The following FMNL2 variants were observed in gnomAD, a reference collection of about 807,000 sequenced individuals.
FMNL2 encodes formin like 2.
In FMNL2, 51 loss-of-function variants were observed where a neutral mutation model predicts 130.2. The observed-to-expected ratio is 0.39, with a 90% CI of 0.31 to 0.49. FMNL2 has a LOEUF of 0.49. Among genes scored for constraint, FMNL2 ranks in the 20% least tolerant of loss-of-function variants. The probability of loss-of-function intolerance (pLI) is 0.85; values close to 1 mark genes in which losing one functional copy is unlikely to be tolerated. For missense variants in FMNL2, 977 were observed against 1,316.2 expected (o/e 0.74, Z 3.99); for synonymous variants, 465 against 467.1 (o/e 1.00, Z 0.06).
At chr2:152,602,147 G>C (rs1698113456) in intron 9 of FMNL2, among the ~76,000 whole-genome samples, 1 of 152,156 alleles carries the variant, frequency 6.6e-6, no homozygotes, top group Non-Finnish European at 1.5e-5. Context: ...ATCAGTCTTA[G>C]AGCTTGAAGG....
intron 1 of FMNL2, among the ~76,000 whole-genome samples, chr2:152,423,566 A>T (rs1687026874): frequency 6.6e-6 from 1 of 152,158 alleles, no homozygotes; most frequent in South Asian, 2.1e-4. Flanking sequence ...TGGGTCTCAG[A>T]TGCCTTAGTA....
intron 1 of FMNL2, among the ~76,000 whole-genome samples, chr2:152,389,111 T>G (rs930692811): frequency 6.6e-6 from 1 of 152,266 alleles, no homozygotes; most frequent in East Asian, 1.9e-4. Context: ...GAGCATTTTT[T>G]TTTTCTATAA....
chr2:152,452,913 T>C (rs1688724265), intron 1 of FMNL2, among the ~76,000 whole-genome samples: 2 of 151,730 alleles, frequency 1.3e-5, no homozygotes, highest in Non-Finnish European at 2.9e-5. Flanking sequence ...AAAGGAAATA[T>C]GGCTGAATGG....
rs117596986 is a variant in FMNL2, at chr2:152,514,588, G to A, written c.118-7355G>A. Among the ~76,000 whole-genome samples, 615 of 152,166 alleles carry A rather than the reference G, an allele frequency of 4.0e-3. 2 individuals carry two copies. Among genetic ancestry groups the A allele is most frequent in the East Asian group, 0.013 (67 of 5,182 alleles). ...TTGTCAAGACCCTCAGTGGATATCT[G>A]GAACCTTAAATAGTACTGAAACTAA... On this transcript the variant is annotated intron_variant, in intron 1 of 25. Transcript: ENST00000288670.
Position 152,624,464 on chromosome 2 carries a change from T to TC in FMNL2, c.1838-967dup, listed in dbSNP as rs201922033. 7.9e-3 allele frequency among the ~76,000 whole-genome samples: 1,194 copies of TC among 151,426 alleles called. 8 individuals are homozygous for TC. The highest frequency in any genetic ancestry group is 0.013 in the Non-Finnish European group (851 of 67,774). On this transcript the variant is annotated intron_variant, in intron 15 of 25. Transcript: ENST00000288670. Reference sequence around the variant, plus strand: ...ACCACGCCCAGCAATTTCTTTTCCTTCCCCCCCGCCCCTTTTATTTATTTA... The same window carrying TC: ...ACCACGCCCAGCAATTTCTTTTCCTTCCCCCCCCGCCCCTTTTATTTATTTA...
At chr2:152,364,517 T>C (rs1683400829) in intron 1 of FMNL2, among the ~76,000 whole-genome samples, 1 of 152,128 alleles carries the variant, frequency 6.6e-6, no homozygotes, top group Admixed American at 6.6e-5. Flanking sequence ...GTAAAACATA[T>C]CTTGAGACAA....
At chr2:152,617,051 G>T (rs369747397) in intron 12 of FMNL2, 40 bp from the exon 13 acceptor site, 2 of 1,570,258 alleles carry the variant, frequency 1.3e-6, no homozygotes, top group Non-Finnish European at 1.8e-6. Context: ...TGATCAAGAT[G>T]ATCCTGTATT....
intron 1 of FMNL2, among the ~76,000 whole-genome samples, chr2:152,391,485 C>T (rs951585920): frequency 6.6e-6 from 1 of 151,914 alleles, no homozygotes; most frequent in Non-Finnish European, 1.5e-5. Flanking sequence ...GTGTATCTGG[C>T]TGGGAGGTGT....
chr2:152,368,104 G>C (rs1214933061), intron 1 of FMNL2, among the ~76,000 whole-genome samples: 1 of 152,090 alleles, frequency 6.6e-6, no homozygotes, highest in Admixed American at 6.6e-5. Context: ...GAAGTTCAAG[G>C]CTTTTTCTGT....
intron 2 of FMNL2, among the ~76,000 whole-genome samples, chr2:152,525,149 A>G (rs1049400754): frequency 6.6e-6 from 1 of 152,150 alleles, no homozygotes; most frequent in African/African-American, 2.4e-5. Context: ...AAGCTTTTTC[A>G]TTTGTTGCCT....
chr2:152,531,050 C>T (rs1036542004), intron 2 of FMNL2, among the ~76,000 whole-genome samples: 2 of 152,188 alleles, frequency 1.3e-5, no homozygotes, highest in Non-Finnish European at 2.9e-5. Context: ...GCAGCATCTT[C>T]AGGTACTAGA....
intron 2 of FMNL2, among the ~76,000 whole-genome samples, chr2:152,532,932 G>A (rs1693788980): frequency 6.6e-6 from 1 of 151,930 alleles, no homozygotes; most frequent in Non-Finnish European, 1.5e-5. Flanking sequence ...TTAAAAAGTG[G>A]GTTATTTGTC....
intron 9 of FMNL2, among the ~76,000 whole-genome samples, chr2:152,587,682 A>C (rs1697160864): frequency 6.6e-6 from 1 of 152,324 alleles, no homozygotes; most frequent in African/African-American, 2.4e-5. Context: ...CTTTACCATT[A>C]GTGTCTTTAA....
chr2:152,559,969 G>A (rs573459501), intron 5 of FMNL2, among the ~76,000 whole-genome samples: 11 of 152,076 alleles, frequency 7.2e-5, no homozygotes, highest in Admixed American at 1.3e-4. Context: ...TCAGATGAAG[G>A]TTCTAACCAA....
intron 6 of FMNL2, 108 bp from the exon 7 acceptor site, chr2:152,575,028 C>T: frequency 1.6e-6 from 1 of 613,306 alleles, no homozygotes; most frequent in African/African-American, 1.8e-5. Flanking sequence ...CGGTTTTAAC[C>T]TACAATCCTT....
chr2:152,613,083 T>TGA (rs1375617198), intron 11 of FMNL2, among the ~76,000 whole-genome samples: 9 of 152,252 alleles, frequency 5.9e-5, no homozygotes, highest in Admixed American at 5.2e-4. Context: ...ATGGGCCTAC[T>TGA]GTTGTCTAAA....
At chr2:152,450,387 C>T (rs955127408) in intron 1 of FMNL2, among the ~76,000 whole-genome samples, 90 of 152,138 alleles carry the variant, frequency 5.9e-4, no homozygotes, top group African/African-American at 9.7e-5. Context: ...TTCCGTGGAG[C>T]GTGGAGACAA....
intron 1 of FMNL2, among the ~76,000 whole-genome samples, chr2:152,517,725 C>A (rs1692853936): frequency 6.6e-6 from 1 of 152,180 alleles, no homozygotes. Context: ...TAATTAACAT[C>A]CACTGAACTT....
At chr2:152,604,655 G>C (rs1385910001) in intron 9 of FMNL2, among the ~76,000 whole-genome samples, 1 of 151,952 alleles carries the variant, frequency 6.6e-6, no homozygotes, top group East Asian at 1.9e-4. Context: ...GAATGCAGTG[G>C]TATGATCTCG....
Sources: gnomAD v4.1 joint callset for allele counts (sites outside exome capture counted in the v4.1 genomes callset) on GRCh38, gnomAD v4.1.1 for gene constraint, MANE v1.5 for transcripts, NCBI Gene and HGNC (gene_info 2026-07-23, HGNC 2026-07-21) for gene names.